Variants in PRKAG3 observed in about 807,000 individuals in gnomAD.
The protein encoded by PRKAG3 is protein kinase AMP-activated non-catalytic subunit gamma 3.
Under a neutral mutation model 56.5 loss-of-function variants are expected in PRKAG3, and 39 were observed. The ratio of observed to expected loss-of-function variants is 0.69; its 90% CI spans 0.53 to 0.90. The LOEUF (loss-of-function observed/expected upper bound fraction) is 0.90. Among genes scored for constraint, PRKAG3 ranks in the 40% least tolerant of loss-of-function variants. The probability of loss-of-function intolerance (pLI) is 0.00; values close to 1 mark genes in which losing one functional copy is unlikely to be tolerated. For synonymous variants in PRKAG3, 243 were observed against 250.1 expected, an observed-to-expected ratio of 0.97 and a Z score of 0.27; for missense variants, 628 against 627.5, an observed-to-expected ratio of 1.00 and a Z score of -0.01.
In PRKAG3 at chr2:218,827,544, G is replaced by C; in HGVS notation, c.875+31C>G. ...CTGGGGAAGGGGACTGTGGGAGGAGGAGGCTCAGGTGAATGAGCAGAGACA... is the reference window on the plus strand; with the variant it reads ...CTGGGGAAGGGGACTGTGGGAGGAGCAGGCTCAGGTGAATGAGCAGAGACA... On this transcript the variant is annotated intron_variant, in intron 8 of 12. Coordinates refer to ENST00000529249, the Ensembl canonical transcript of PRKAG3. The surrounding 1 kb of genome is among the most constrained non-coding windows in gnomAD (Gnocchi z 5.3). The C allele has an allele frequency of 6.2e-7, 1 of 1,609,176 alleles. No individual in the cohort carries two copies. Among genetic ancestry groups the C allele is most frequent in the East Asian group, 2.2e-5 (1 of 44,844 alleles).
At chr2:218,831,459 C>T in intron 1 of PRKAG3, 84 bp from the exon 2 acceptor site, 1 of 1,251,648 alleles carries the variant, frequency 8.0e-7, no homozygotes, top group Non-Finnish European at 1.1e-6. Flanking sequence ...GCCTACACAC[C>T]CATGCACACC....
chr2:218,828,414 C>A, intron 5 of PRKAG3, 105 bp downstream of exon 5: 1 of 1,273,358 alleles, frequency 7.9e-7, no homozygotes, highest in Middle Eastern at 1.9e-4. Context: ...CTGGGCTTGG[C>A]CTGAAGCCAA....
Position 218,827,901 on chromosome 2 carries a change from A to G in PRKAG3, c.775-23T>C. On this transcript the variant is annotated intron_variant, in intron 6 of 12. Transcript: ENST00000529249. This position sits in a 1 kb window ranked among gnomAD's most constrained non-coding sequence, Gnocchi z 5.3. Reference sequence around the variant, plus strand: ...GACCTAGAGACATCGACAGGACTCCAGAAGTCAGAAAGACGTGGGCTTCTA... The same window carrying G: ...GACCTAGAGACATCGACAGGACTCCGGAAGTCAGAAAGACGTGGGCTTCTA... The G allele has an allele frequency of 6.2e-7, 1 of 1,613,900 alleles. No homozygotes were observed. Among genetic ancestry groups the G allele is most frequent in the Non-Finnish European group, 8.5e-7 (1 of 1,179,840 alleles).
Position 218,827,035 on chromosome 2 carries a change from C to T in PRKAG3, c.1061G>A (p.Gly354Asp), listed in dbSNP as rs148537690. The T allele has an allele frequency of 2.5e-6, 4 of 1,614,050 alleles. No individual in the cohort carries two copies. Among genetic ancestry groups the T allele is most frequent in the Admixed American group, 1.7e-5 (1 of 60,024 alleles). Reference sequence around the variant, plus strand: ...CACCACAGCCAAGTCTCGGAATGTGCCGATGCCCAAATCTTGGATAGTGCG... The same window carrying T: ...CACCACAGCCAAGTCTCGGAATGTGTCGATGCCCAAATCTTGGATAGTGCG... The change falls in exon 10 of 13, where the codon GGC (glycine) becomes GAC (aspartate). Residue 354 changes from glycine to aspartate, a missense_variant. Coordinates refer to ENST00000529249, the Ensembl canonical transcript of PRKAG3. This position sits in a 1 kb window ranked among gnomAD's most constrained non-coding sequence, Gnocchi z 5.3.
chr2:218,824,238 C>A (rs200750014), exon 12 of PRKAG3: 138 of 1,614,032 alleles, frequency 8.6e-5, no homozygotes, highest in Non-Finnish European at 3.1e-5. Flanking sequence ...CCGAGCAATC[C>A]TGTCGATCAC....
downstream of PRKAG3, chr2:218,822,828 C>T (rs1375017887): frequency 2.1e-6 from 2 of 949,020 alleles, no homozygotes; most frequent in Non-Finnish European, 2.5e-6. Flanking sequence ...CATAGGTAGC[C>T]CAGAAACCGA....
At chr2:218,824,175 G>T (rs1289628812) in intron 12 of PRKAG3, 47 bp downstream of exon 12, 1 of 1,613,732 alleles carries the variant, frequency 6.2e-7, no homozygotes, top group Non-Finnish European at 8.5e-7. Context: ...TGCATGAGAA[G>T]GACTGGGCTA....
At chr2:218,825,609 C>A (rs1943920625) in intron 10 of PRKAG3, among the ~76,000 whole-genome samples, 1 of 151,890 alleles carries the variant, frequency 6.6e-6, no homozygotes, top group African/African-American at 2.4e-5. Flanking sequence ...GATGGCACCA[C>A]TGCACTTTAG....
chr2:218,830,019 C>T (rs770478815), exon 4 of PRKAG3: 2 of 1,614,004 alleles, frequency 1.2e-6, no homozygotes, highest in South Asian at 1.1e-5. Flanking sequence ...GAGCTAGTTG[C>T]CATGGCATCG....
exon 4 of PRKAG3, chr2:218,830,336 G>A: frequency 1.2e-6 from 2 of 1,609,876 alleles, no homozygotes; most frequent in Non-Finnish European, 1.7e-6. Context: ...CTTGGGGAAT[G>A]TGGCCTCCAG....
chr2:218,829,236 G>A (rs991572581), intron 4 of PRKAG3, among the ~76,000 whole-genome samples: 5 of 151,870 alleles, frequency 3.3e-5, no homozygotes, highest in African/African-American at 1.2e-4. Flanking sequence ...TTATAGCTAA[G>A]CCTAATGGAA....
rs1345041753 is a variant in PRKAG3 at position 218,826,967 on chromosome 2, C to T, written c.1129G>A (p.Asp377Asn). Residue 377 changes from aspartate to asparagine, a missense_variant, in exon 10 of 13, where the codon GAC (aspartate) becomes AAC (asparagine). Coordinates refer to ENST00000529249, the Ensembl canonical transcript of PRKAG3. ...ACAGGCAGTGCAGACACACGCCGGT[C>T]CACAAAGATGTCCAGTGCAGTCAGG... 1 of 1,614,052 alleles carries T rather than the reference C, an allele frequency of 6.2e-7. No individual in the cohort carries two copies. Among genetic ancestry groups the T allele is most frequent in the African/African-American group, 1.3e-5 (1 of 74,936 alleles).
intron 10 of PRKAG3, 63 bp from the exon 11 acceptor site, chr2:218,824,639 G>T: frequency 1.4e-6 from 2 of 1,471,432 alleles, no homozygotes; most frequent in Non-Finnish European, 1.9e-6. Flanking sequence ...GGTCAGAACC[G>T]GGGTGCTGTG....
chr2:218,830,707 C>G, intron 3 of PRKAG3, 39 bp downstream of exon 3: 1 of 1,602,660 alleles, frequency 6.2e-7, no homozygotes. Context: ...TTTCCCACTC[C>G]CCTGGCTCCC....
At position 218,827,701 on chromosome 2, in the gene PRKAG3, C is replaced by A; in HGVS notation, c.821-72G>T. The A allele has an allele frequency of 6.3e-7, 1 of 1,582,722 alleles. No individual in the cohort carries two copies. On this transcript the variant is annotated intron_variant, in intron 7 of 12. Transcript: ENST00000529249. This position sits in a 1 kb window ranked among gnomAD's most constrained non-coding sequence, Gnocchi z 5.3. ...CACCTTGCAGTCCCAGGCAGCTTCC[C>A]TTCCGTCAGGCACCCGAGGCTCCTA...
At chr2:218,829,545 C>A (rs1363187289) in intron 4 of PRKAG3, among the ~76,000 whole-genome samples, 2 of 151,734 alleles carry the variant, frequency 1.3e-5, no homozygotes, top group Admixed American at 1.3e-4. Context: ...TCAGGCCGGT[C>A]TCGAACTCCT....
chr2:218,829,697 G>A (rs775139926), intron 4 of PRKAG3, among the ~76,000 whole-genome samples: 1 of 152,084 alleles, frequency 6.6e-6, no homozygotes, highest in South Asian at 2.1e-4. Context: ...AACTATGTAG[G>A]GTGCAGCAGG....
rs764746309 is a variant in PRKAG3, at chr2:218,827,302, C to T, written c.947G>A (p.Gly316Asp). Residue 316 changes from glycine to aspartate, a missense_variant, in exon 9 of 13, where the codon GGC becomes GAC. Gly to Asp is a moderately conservative substitution (Grantham distance 94). Transcript: ENST00000529249. The surrounding 1 kb of genome is among the most constrained non-coding windows in gnomAD (Gnocchi z 5.3). The stretch of plus-strand genomic sequence containing the variant: ...GTGTGTGAGGATGTGGAGTACGTTG[C>T]CTGACACCGGGTCAAGAACAGGCAG... The T allele has an allele frequency of 8.1e-6, 13 of 1,614,172 alleles. No homozygotes were observed. The highest frequency in any genetic ancestry group is 1.1e-5 in the Non-Finnish European group (13 of 1,180,030).
chr2:218,824,134 G>T, intron 12 of PRKAG3, 88 bp downstream of exon 12: 1 of 1,599,346 alleles, frequency 6.3e-7, no homozygotes, highest in Non-Finnish European at 8.6e-7. Flanking sequence ...GGATAGGCCA[G>T]GTGCCCGATG....
Sources: gnomAD v4.1 joint callset for allele counts (sites outside exome capture counted in the v4.1 genomes callset) on GRCh38, gnomAD v4.1.1 for gene constraint, Gnocchi (gnomAD v3.1) non-coding constraint, MANE v1.5 for transcripts, NCBI Gene and HGNC (gene_info 2026-07-23, HGNC 2026-07-21) for gene names.